KAZN: variants seen among roughly 807,000 people sequenced by gnomAD.
KAZN encodes kazrin, periplakin interacting protein, also known as kazrin.
A neutral mutation model predicts 87.4 loss-of-function variants in KAZN; 40 were observed. The observed-to-expected ratio is 0.46, with a 90% confidence interval of 0.36 to 0.60. KAZN has a LOEUF of 0.60. Ranked by LOEUF, KAZN falls within the 20% of genes least tolerant of loss-of-function variation. The pLI is 0.00. For synonymous variants in KAZN, 466 were observed against 458.3 expected (o/e 1.02, Z -0.22); for missense variants, 898 against 1,073.9 (o/e 0.84, Z 2.29).
intron 2 of KAZN, among the ~76,000 whole-genome samples, chr1:14,483,538 G>T (rs1669191397): frequency 6.6e-6 from 1 of 152,134 alleles, no homozygotes; most frequent in Non-Finnish European, 1.5e-5. Context: ...TTTTAAAGAG[G>T]TTTATTCTGA....
intron 1 of KAZN, among the ~76,000 whole-genome samples, chr1:14,716,458 G>C (rs1248517440): frequency 2.6e-5 from 4 of 152,074 alleles, no homozygotes; most frequent in Non-Finnish European, 5.9e-5. Context: ...TTTCACATCT[G>C]TCTGTTTCAT....
chr1:14,558,717 A>T (rs757082940), intron 2 of KAZN, among the ~76,000 whole-genome samples: 1 of 152,110 alleles, frequency 6.6e-6, no homozygotes, highest in Non-Finnish European at 1.5e-5. Context: ...TCACGCTGGG[A>T]TGTAAGCTTC....
At chr1:14,372,783 A>AT (rs1451201264) in intron 2 of KAZN, among the ~76,000 whole-genome samples, 4 of 152,222 alleles carry the variant, frequency 2.6e-5, no homozygotes, top group African/African-American at 9.6e-5. Flanking sequence ...TTCACTCACA[A>AT]TACATGTATT....
At chr1:14,665,961 C>G (rs1414259462) in intron 1 of KAZN, among the ~76,000 whole-genome samples, 2 of 139,572 alleles carry the variant, frequency 1.4e-5, no homozygotes, top group African/African-American at 2.8e-5. Context: ...AAATAACATA[C>G]AGAAAGGTCA....
At position 13,927,051 on chromosome 1, in the gene KAZN, G is replaced by A. The variant is rs114857364; in HGVS notation, c.91+33295G>A. Among the ~76,000 whole-genome samples, 176 of 152,312 alleles carry A rather than the reference G, an allele frequency of 1.2e-3. 1 individual carries two copies. Among genetic ancestry groups the A allele is most frequent in the African/African-American group, 3.9e-3 (163 of 41,556 alleles). ...TGCAAGATTCTGTCATTGTAGCGTGGCAGCTATGCTAAAAAAGAGATGTCA... is the reference window on the plus strand; with the variant it reads ...TGCAAGATTCTGTCATTGTAGCGTGACAGCTATGCTAAAAAAGAGATGTCA... On this transcript the variant is annotated intron_variant, in intron 1 of 16. Coordinates refer to the KAZN transcript ENST00000636203.
rs368913322 is a variant in KAZN at position 15,114,575 on chromosome 1, G to A, written c.2268G>A (p.Gln756=). The A allele has an allele frequency of 1.9e-6, 3 of 1,605,106 alleles. No individual in the cohort carries two copies. In the African/African-American group the frequency reaches 4.0e-5, roughly 21 times the overall value. Residue 756 remains glutamine, a synonymous_variant, in exon 15 of 15, where the codon CAG becomes CAA. Coordinates refer to ENST00000376030, the MANE Select transcript of KAZN (RefSeq NM_201628.3). ...AAGATTGCGGAGACGATGACCCCCA[G>A]AGCAGGCTGGAACAGTGCCGTCTGG... The part of the protein sequence containing the change: ...QNEDCGDDDP[Q]SRLEQCRLEG...
chr1:14,563,745 C>T (rs1304016293), intron 2 of KAZN, among the ~76,000 whole-genome samples: 2 of 152,166 alleles, frequency 1.3e-5, no homozygotes, highest in African/African-American at 4.8e-5. Context: ...AACTGCATCA[C>T]TTCTTACCCA....
At chr1:14,699,268 G>C (rs1317269625) in intron 1 of KAZN, among the ~76,000 whole-genome samples, 4 of 152,154 alleles carry the variant, frequency 2.6e-5, no homozygotes, top group Non-Finnish European at 5.9e-5. Flanking sequence ...GTGGCACCCA[G>C]GTGGGACCCA....
chr1:14,338,554 C>A (rs1049991822), intron 2 of KAZN, among the ~76,000 whole-genome samples: 4 of 151,178 alleles, frequency 2.6e-5, no homozygotes, highest in African/African-American at 9.8e-5. Context: ...TAAACAAAAG[C>A]CTGCTATGCA....
intron 1 of KAZN, among the ~76,000 whole-genome samples, chr1:14,065,517 G>T (rs1172093751): frequency 6.6e-6 from 1 of 150,414 alleles, no homozygotes; most frequent in African/African-American, 2.5e-5. Flanking sequence ...GCACGCATAA[G>T]CTACCCACTC....
At chr1:14,581,897 C>T (rs1207283970) in intron 2 of KAZN, among the ~76,000 whole-genome samples, 1 of 152,168 alleles carries the variant, frequency 6.6e-6, no homozygotes, top group Non-Finnish European at 1.5e-5. Context: ...CCCCAGTTCT[C>T]CTTCTCCCCC....
In KAZN at chr1:14,642,850, T is replaced by C. The variant is rs1680508891; in HGVS notation, c.226+43627T>C. ...CAAAAATATAAGGGTTTAAAAAAAA[T>C]GGCCTAAATGAAAAAGACAGACAAT... On this transcript the variant is annotated intron_variant, in intron 1 of 14. Coordinates refer to ENST00000376030, the MANE Select transcript of KAZN (RefSeq NM_201628.3). Among the ~76,000 whole-genome samples the C allele has an allele frequency of 2.0e-5, 3 of 151,958 alleles. No individual in the cohort carries two copies. In the South Asian group the frequency reaches 6.2e-4, roughly 32 times the overall value.
chr1:14,444,630 C>T (rs528482950), intron 2 of KAZN, among the ~76,000 whole-genome samples: 80 of 152,146 alleles, frequency 5.3e-4, no homozygotes, highest in African/African-American at 1.8e-3. Context: ...TTTTTCTGCT[C>T]TATTGGTGCT....
intron 1 of KAZN, among the ~76,000 whole-genome samples, chr1:13,996,572 C>T (rs910534638): frequency 4.6e-5 from 7 of 152,316 alleles, no homozygotes; most frequent in Middle Eastern, 3.4e-3. Context: ...CCCAACACAC[C>T]GGCTGTGGCA....
At chr1:14,814,765 G>A in intron 1 of KAZN, among the ~76,000 whole-genome samples, 1 of 152,186 alleles carries the variant, frequency 6.6e-6, no homozygotes, top group Non-Finnish European at 1.5e-5. Context: ...GTAATGGAAG[G>A]CATTAGGGGC....
At chr1:14,504,399 A>G (rs550647345) in intron 2 of KAZN, among the ~76,000 whole-genome samples, 44 of 152,332 alleles carry the variant, frequency 2.9e-4, no homozygotes, top group Non-Finnish European at 5.1e-4. Context: ...AGTGAAAACT[A>G]GCATAATGAG....
chr1:14,793,165 A>C (rs1309734485), intron 1 of KAZN, among the ~76,000 whole-genome samples: 1 of 152,116 alleles, frequency 6.6e-6, no homozygotes, highest in Non-Finnish European at 1.5e-5. Context: ...GGATGGAGGC[A>C]GAGACCAGTT....
rs530410143 is a variant in KAZN at position 14,106,737 on chromosome 1, T to A, written c.92-73698T>A. 4.1e-3 allele frequency among the ~76,000 whole-genome samples: 632 copies of A among 152,322 alleles called. 3 individuals are homozygous for A. The highest frequency in any genetic ancestry group is 0.014 in the Middle Eastern group (4 of 294). ...GTAGATTAGCCCAAACGCGTCTCTA[T>A]TCAGTGGCATCCCAGAAGATGTGAA... is the stretch of plus-strand genomic sequence containing the variant. On this transcript the variant is annotated intron_variant, in intron 1 of 16. Coordinates refer to the KAZN transcript ENST00000636203.
chr1:14,011,426 C>T (rs1640306677), intron 1 of KAZN, among the ~76,000 whole-genome samples: 1 of 152,182 alleles, frequency 6.6e-6, no homozygotes, highest in Non-Finnish European at 1.5e-5. Context: ...TTTGCATCAC[C>T]TGACGACAAA....
Sources: gnomAD v4.1 joint callset for allele counts (sites outside exome capture counted in the v4.1 genomes callset) on GRCh38, gnomAD v4.1.1 for gene constraint, MANE v1.5 for transcripts, NCBI Gene and HGNC (gene_info 2026-07-23, HGNC 2026-07-21) for gene names.